The following MACROD2 variants were observed in gnomAD, a reference collection of about 807,000 sequenced individuals.
MACROD2 encodes the protein ADP-ribose glycohydrolase MACROD2.
MACROD2 carries 36 observed loss-of-function variants against 70.4 expected under a neutral mutation model. The ratio of observed to expected loss-of-function variants is 0.51; its 90% CI spans 0.39 to 0.68. The LOEUF is 0.68. MACROD2 is among the 30% of genes least tolerant of loss of function. The pLI, the probability that MACROD2 is intolerant of heterozygous loss-of-function variation, is 0.00. For missense variants in MACROD2, 496 were observed against 538.4 expected (o/e 0.92, Z 0.78); for synonymous variants, 172 against 178.8 (o/e 0.96, Z 0.30).
chr20:15,396,297 C>T (rs186215305), intron 6 of MACROD2, among the ~76,000 whole-genome samples: 29 of 152,300 alleles, frequency 1.9e-4, no homozygotes, highest in Non-Finnish European at 3.5e-4. Context: ...TTTGAGCTCC[C>T]TAGTAGCTCT....
chr20:15,825,007 A>G (rs1220082605), intron 8 of MACROD2, among the ~76,000 whole-genome samples: 1 of 152,142 alleles, frequency 6.6e-6, no homozygotes, highest in Non-Finnish European at 1.5e-5. Context: ...TGGAAGTGTG[A>G]CTTGTTGAGG....
intron 5 of MACROD2, among the ~76,000 whole-genome samples, chr20:14,748,694 G>A (rs1396721083): frequency 6.6e-6 from 1 of 152,094 alleles, no homozygotes; most frequent in Non-Finnish European, 1.5e-5. Context: ...AATTGTATTA[G>A]TACCTATGAA....
intron 5 of MACROD2, among the ~76,000 whole-genome samples, chr20:15,009,152 CATTATTGCATCCTGGTCT>C (rs2075062566): frequency 6.6e-6 from 1 of 152,102 alleles, no homozygotes; most frequent in Admixed American, 6.5e-5. Context: ...AAATGTACCC[CATTATTGCATCCTGGTCT>C]ATTTATGATG....
chr20:14,402,607 A>T (rs1378082067), intron 3 of MACROD2, among the ~76,000 whole-genome samples: 1 of 152,092 alleles, frequency 6.6e-6, no homozygotes, highest in Non-Finnish European at 1.5e-5. Context: ...ATGATAGTTT[A>T]TAGAAAATGT....
rs915885860 is a variant in MACROD2 at position 14,944,332 on chromosome 20, T to G, written c.418+259373T>G. On this transcript the variant is annotated intron_variant, in intron 5 of 17. Transcript: ENST00000684519. ...GAATTCTTATCAAAGATTGTATGTG[T>G]TACCTGGGACAGTATCTTCAACACA... Among the ~76,000 whole-genome samples the G allele has an allele frequency of 1.0e-3, 156 of 152,166 alleles. 1 individual carries two copies. Among genetic ancestry groups the G allele is most frequent in the African/African-American group, 3.4e-3 (141 of 41,454 alleles).
chr20:15,706,936 T>A (rs2050541290), intron 8 of MACROD2, among the ~76,000 whole-genome samples: 1 of 152,200 alleles, frequency 6.6e-6, no homozygotes, highest in Non-Finnish European at 1.5e-5. Flanking sequence ...AAGTCCAGAT[T>A]GGCAAACCAA....
rs147659996 is a variant in MACROD2, at chr20:14,074,534, T to C, written c.164-11087T>C. On this transcript the variant is annotated intron_variant, in intron 2 of 17. Coordinates refer to ENST00000684519, the MANE Select transcript of MACROD2 (RefSeq NM_001351661.2). ...AAGATTCTGAGTTTACTGGTTGAAG[T>C]TGGGTTAGAGACCTATGTTTTTTTT... 1.1e-4 allele frequency among the ~76,000 whole-genome samples: 17 copies of C among 152,288 alleles called. No individual in the cohort carries two copies. The East Asian group carries it at 3.1e-3, about 28-fold the overall frequency.
rs1983354406 is a variant in MACROD2 at position 14,614,395 on chromosome 20, A to C, written c.302-70448A>C. ...TGGGGAGTTGGTGCTCACCTCACCC[A>C]TTAAATCAGAATCTTTGGGGGTGGG... is the stretch of plus-strand genomic sequence containing the variant. On this transcript the variant is annotated intron_variant, in intron 4 of 17. Coordinates refer to ENST00000684519, the MANE Select transcript of MACROD2 (RefSeq NM_001351661.2). Among the ~76,000 whole-genome samples the C allele has an allele frequency of 2.0e-5, 3 of 152,104 alleles. No homozygotes were observed. The South Asian group carries it at 6.2e-4, about 32-fold the overall frequency.
At chr20:14,791,753 G>A (rs1381366812) in intron 5 of MACROD2, among the ~76,000 whole-genome samples, 1 of 151,230 alleles carries the variant, frequency 6.6e-6, no homozygotes, top group Non-Finnish European at 1.5e-5. Flanking sequence ...AATCAAAACT[G>A]GTATAATAAA....
At chr20:15,188,189 A>G (rs1010166733) in intron 5 of MACROD2, among the ~76,000 whole-genome samples, 2 of 152,190 alleles carry the variant, frequency 1.3e-5, no homozygotes, top group African/African-American at 2.4e-5. Flanking sequence ...GAGGCTGTCT[A>G]TCATTGACAA....
At chr20:14,107,069 A>G (rs1187436031) in intron 3 of MACROD2, among the ~76,000 whole-genome samples, 1 of 152,252 alleles carries the variant, frequency 6.6e-6, no homozygotes, top group Non-Finnish European at 1.5e-5. Context: ...GTAGGGACCA[A>G]TCCTGGAGAA....
At chr20:14,067,173 G>A (rs2148658987) in intron 2 of MACROD2, among the ~76,000 whole-genome samples, 1 of 142,734 alleles carries the variant, frequency 7.0e-6, no homozygotes, top group African/African-American at 2.6e-5. Flanking sequence ...TGCCAGGCTG[G>A]GGTGCAGTGG....
intron 2 of MACROD2, among the ~76,000 whole-genome samples, chr20:14,009,804 A>G (rs969606903): frequency 2.7e-4 from 41 of 152,208 alleles, no homozygotes; most frequent in African/African-American, 9.6e-4. Flanking sequence ...AAGGAACAAC[A>G]TCATGTCCTT....
At chr20:14,984,647 T>G (rs1402760543) in intron 5 of MACROD2, among the ~76,000 whole-genome samples, 4 of 152,116 alleles carry the variant, frequency 2.6e-5, no homozygotes, top group Non-Finnish European at 5.9e-5. Flanking sequence ...ACAGGTCTGA[T>G]GGATTTGAAG....
At chr20:15,102,118 C>T (rs1347050108) in intron 5 of MACROD2, among the ~76,000 whole-genome samples, 2 of 151,662 alleles carry the variant, frequency 1.3e-5, no homozygotes, top group Admixed American at 1.3e-4. Context: ...ACATAAAGAA[C>T]AAACTAAGAA....
At chr20:14,013,421 C>T (rs540173796) in intron 2 of MACROD2, among the ~76,000 whole-genome samples, 12 of 151,294 alleles carry the variant, frequency 7.9e-5, no homozygotes, top group East Asian at 6.0e-4. Context: ...TACAGGTGCC[C>T]GCCACCATGC....
rs191756929 is a variant in MACROD2, at chr20:15,817,385, T to C, written c.646-45360T>C. Among the ~76,000 whole-genome samples, 553 of 152,308 alleles carry C rather than the reference T, an allele frequency of 3.6e-3. 9 individuals carry two copies. Among genetic ancestry groups the C allele is most frequent in the African/African-American group, 0.013 (527 of 41,570 alleles). On this transcript the variant is annotated intron_variant, in intron 8 of 17. Coordinates refer to ENST00000684519, the MANE Select transcript of MACROD2 (RefSeq NM_001351661.2). ...GGAAATATTAGAATCTTTCTCACAA[T>C]TGATCAGCCTCCCTGAATGTGCCCA...
chr20:15,602,570 GTTTC>G (rs1195895127), intron 8 of MACROD2, among the ~76,000 whole-genome samples: 3 of 152,174 alleles, frequency 2.0e-5, no homozygotes, highest in Middle Eastern at 3.4e-3. Context: ...GACCTAGTGA[GTTTC>G]TTTATTAGCC....
intron 5 of MACROD2, among the ~76,000 whole-genome samples, chr20:15,085,873 A>ACAACACACACACACACAC (rs35503821): frequency 1.4e-5 from 2 of 144,292 alleles, no homozygotes; most frequent in African/African-American, 2.6e-5. Flanking sequence ...ACACACACAC[A>ACAACACACACACACACAC]ACACACACAC....
Sources: allele counts gnomAD v4.1 joint callset (sites outside exome capture counted in the v4.1 genomes callset), GRCh38; gene constraint gnomAD v4.1.1; transcripts MANE v1.5; gene names NCBI Gene and HGNC (gene_info 2026-07-23, HGNC 2026-07-21).